KLF8: variants seen among roughly 807,000 people sequenced by gnomAD.
KLF8 encodes the protein Krueppel-like factor 8.
A neutral mutation model predicts 18.2 loss-of-function variants in KLF8; 10 were observed. That is an observed-to-expected ratio of 0.55 (90% CI 0.34 to 0.93). The LOEUF (loss-of-function observed/expected upper bound fraction) is 0.93. Ranked by LOEUF, KLF8 falls within the 40% of genes least tolerant of loss-of-function variation. The probability of loss-of-function intolerance (pLI) is 0.02; values close to 1 mark genes in which losing one functional copy is unlikely to be tolerated. For missense variants in KLF8, 264 were observed against 277.9 expected (o/e 0.95, Z 0.36); for synonymous variants, 109 against 97.3 (o/e 1.12, Z -0.71).
chrX:56,189,747 G>A, the KLF8 span, among the ~76,000 whole-genome samples: 8 of 107,141 alleles, frequency 7.5e-5, no homozygotes, highest in East Asian at 9.1e-4. Flanking sequence ...GGAAATCATC[G>A]TTCTCAGTAA....
the KLF8 span, among the ~76,000 whole-genome samples, chrX:56,187,607 C>T: frequency 3.6e-5 from 4 of 111,570 alleles, no homozygotes; most frequent in East Asian, 5.6e-4. Context: ...TGATGAACAT[C>T]GATGCAAACT....
At chrX:55,972,866 T>A in the KLF8 span, among the ~76,000 whole-genome samples, 1 of 111,860 alleles carries the variant, frequency 8.9e-6, no homozygotes, top group Non-Finnish European at 1.9e-5. Context: ...GAAAAACTAT[T>A]CCAAGAGTCA....
the KLF8 span, among the ~76,000 whole-genome samples, chrX:56,162,355 C>G: frequency 6.2e-5 from 7 of 112,017 alleles, no homozygotes; most frequent in Non-Finnish European, 1.3e-4. Flanking sequence ...TTGGCTATGC[C>G]CTGCCCCGGT....
chrX:56,188,574 C>A, the KLF8 span, among the ~76,000 whole-genome samples: 1 of 111,787 alleles, frequency 8.9e-6, no homozygotes, highest in Admixed American at 9.5e-5. Flanking sequence ...CAATCCTAAG[C>A]CAAAAGAACA....
intron 5 of KLF8, among the ~76,000 whole-genome samples, chrX:56,281,574 A>G (rs2067201746): frequency 9.0e-6 from 1 of 110,504 alleles, no homozygotes; most frequent in Admixed American, 9.7e-5. Flanking sequence ...ACACCCGGCT[A>G]ATTTTTGTGT....
the KLF8 span, among the ~76,000 whole-genome samples, chrX:56,058,104 G>A: frequency 1.0e-5 from 1 of 98,618 alleles, no homozygotes; most frequent in African/African-American, 3.8e-5. Context: ...TGATACATTA[G>A]GAGTGTGCCA....
chrX:55,939,358 C>G, the KLF8 span, among the ~76,000 whole-genome samples: 1 of 111,235 alleles, frequency 9.0e-6, no homozygotes, highest in Non-Finnish European at 1.9e-5. Flanking sequence ...ACCAGAATCT[C>G]TGGGACACAT....
the KLF8 span, among the ~76,000 whole-genome samples, chrX:56,046,187 G>T: frequency 9.0e-6 from 1 of 111,688 alleles, no homozygotes; most frequent in Non-Finnish European, 1.9e-5. Flanking sequence ...TGAATCCCAG[G>T]TATGAAACCC....
chrX:56,050,473 G>A, the KLF8 span, among the ~76,000 whole-genome samples: 2 of 111,842 alleles, frequency 1.8e-5, no homozygotes, highest in Non-Finnish European at 3.8e-5. Flanking sequence ...TTGTGTCTTT[G>A]TTCTCATTGG....
chrX:56,231,255 G>T (rs2066398886), upstream of KLF8, among the ~76,000 whole-genome samples: 1 of 111,676 alleles, frequency 9.0e-6, no homozygotes, highest in African/African-American at 3.3e-5. Flanking sequence ...AGAGTGTTTT[G>T]GGGAAAGGAA....
the KLF8 span, among the ~76,000 whole-genome samples, chrX:56,147,799 C>T: frequency 2.7e-5 from 3 of 111,720 alleles, no homozygotes; most frequent in Middle Eastern, 4.2e-3. Flanking sequence ...GCCAACATGG[C>T]GAAACTCTGT....
chrX:56,183,196 C>A, the KLF8 span, among the ~76,000 whole-genome samples: 1 of 112,015 alleles, frequency 8.9e-6, no homozygotes, highest in South Asian at 3.7e-4. Flanking sequence ...AGTCTTGCTG[C>A]CACCTTGCAG....
chrX:56,083,200 AT>A, the KLF8 span, among the ~76,000 whole-genome samples: 4 of 111,620 alleles, frequency 3.6e-5, no homozygotes, highest in Non-Finnish European at 5.6e-5. Context: ...GGCTCTGTTT[AT>A]TTTTTTGTGA....
At chrX:56,005,990 G>A in the KLF8 span, among the ~76,000 whole-genome samples, 4 of 112,586 alleles carry the variant, frequency 3.6e-5, no homozygotes, top group East Asian at 5.6e-4. Context: ...AGACCCTGGC[G>A]GAGGCCAACA....
At chrX:55,924,322 C>T in the KLF8 span, among the ~76,000 whole-genome samples, 115 of 111,696 alleles carry the variant, frequency 1.0e-3, no homozygotes, top group Middle Eastern at 4.6e-3. Context: ...CCTGATCTGC[C>T]CGCCTCAGCC....
At chrX:55,921,289 A>T in the KLF8 span, among the ~76,000 whole-genome samples, 5 of 112,177 alleles carry the variant, frequency 4.5e-5, no homozygotes, top group Non-Finnish European at 7.5e-5. Context: ...TCATTAATTT[A>T]ATAGGGAATC....
At chrX:55,981,172 G>T in the KLF8 span, among the ~76,000 whole-genome samples, 1 of 112,248 alleles carries the variant, frequency 8.9e-6, no homozygotes, top group Non-Finnish European at 1.9e-5. Context: ...TAGCCTAGGC[G>T]ACAGAGCAAG....
At chrX:56,115,330 G>T in the KLF8 span, among the ~76,000 whole-genome samples, 1 of 111,302 alleles carries the variant, frequency 9.0e-6, no homozygotes, top group African/African-American at 3.3e-5. Flanking sequence ...GGGAAGGTTA[G>T]ATAGTCTCTG....
the KLF8 span, among the ~76,000 whole-genome samples, chrX:56,037,544 G>T: frequency 9.0e-6 from 1 of 111,207 alleles, no homozygotes; most frequent in Admixed American, 9.5e-5. Context: ...GCTGGTTCAG[G>T]ACCTTCCTTT....
Sources: allele counts gnomAD v4.1 joint callset (sites outside exome capture counted in the v4.1 genomes callset), GRCh38; gene constraint gnomAD v4.1.1; transcripts MANE v1.5; gene names NCBI Gene and HGNC (gene_info 2026-07-23, HGNC 2026-07-21).